DSCAM: variants seen among roughly 807,000 people sequenced by gnomAD.
The protein encoded by DSCAM is DS cell adhesion molecule, also known as cell adhesion molecule DSCAM.
A neutral mutation model predicts 217.7 loss-of-function variants in DSCAM; 47 were observed. The observed-to-expected ratio is 0.22, with a 90% confidence interval of 0.17 to 0.28. DSCAM has a LOEUF of 0.28. DSCAM is among the 10% of genes least tolerant of loss of function. DSCAM has a pLI of 1.00. For synonymous variants in DSCAM, 1,056 were observed against 1,015.3 expected, an observed-to-expected ratio of 1.04 and a Z score of -0.76; for missense variants, 2,080 against 2,618.3, an observed-to-expected ratio of 0.79 and a Z score of 4.49.
At chr21:40,333,742 CTG>C (rs1479936610) in intron 8 of DSCAM, among the ~76,000 whole-genome samples, 1 of 152,224 alleles carries the variant, frequency 6.6e-6, no homozygotes, top group Non-Finnish European at 1.5e-5. Context: ...AAAACTGTTA[CTG>C]TGTTTTGGAA....
intron 32 of DSCAM, among the ~76,000 whole-genome samples, chr21:40,030,505 C>T (rs186986449): frequency 1.3e-3 from 201 of 152,112 alleles, no homozygotes; most frequent in African/African-American, 4.7e-3. Flanking sequence ...TTCTGGTGGT[C>T]CAGAGAGCTG....
intron 9 of DSCAM, among the ~76,000 whole-genome samples, chr21:40,304,506 G>A (rs1293306021): frequency 6.6e-6 from 1 of 152,190 alleles, no homozygotes; most frequent in Non-Finnish European, 1.5e-5. Flanking sequence ...CTTTTCCTTT[G>A]TGTTTACAAT....
intron 3 of DSCAM, among the ~76,000 whole-genome samples, chr21:40,416,434 T>C (rs2075372740): frequency 6.6e-6 from 1 of 152,246 alleles, no homozygotes; most frequent in African/African-American, 2.4e-5. Flanking sequence ...TGGTGCTTAA[T>C]GGATGCTTGT....
chr21:40,160,736 A>G (rs7280615), intron 16 of DSCAM, among the ~76,000 whole-genome samples: 39,882 of 152,126 alleles, frequency 0.26, 5,323 homozygotes, highest in African/African-American at 0.28. Flanking sequence ...AATCAGGCAA[A>G]TACAATACTT....
chr21:40,272,930 G>A (rs1262071922), intron 11 of DSCAM, among the ~76,000 whole-genome samples: 1 of 152,014 alleles, frequency 6.6e-6, no homozygotes, highest in Non-Finnish European at 1.5e-5. Flanking sequence ...CTAGGGTTAG[G>A]CAAAAGACAT....
At chr21:40,369,372 GTGCGTGCGTC>G (rs2123698629) in intron 3 of DSCAM, 127 bp from the exon 4 acceptor site, 1 of 821,790 alleles carries the variant, frequency 1.2e-6, no homozygotes, top group Non-Finnish European at 1.8e-6. Flanking sequence ...CTAAAAATGG[GTGCGTGCGTC>G]TGCGTGTGTG....
At chr21:40,525,981 A>G (rs2146098576) in intron 3 of DSCAM, among the ~76,000 whole-genome samples, 1 of 151,748 alleles carries the variant, frequency 6.6e-6, no homozygotes, top group South Asian at 2.1e-4. Flanking sequence ...CCCAGGTGGG[A>G]CTGAACCCCA....
At chr21:40,390,035 C>G (rs1397344365) in intron 3 of DSCAM, among the ~76,000 whole-genome samples, 1 of 152,214 alleles carries the variant, frequency 6.6e-6, no homozygotes, top group Non-Finnish European at 1.5e-5. Context: ...CCCACCACCC[C>G]ACCCTGTCCC....
At chr21:40,709,878 T>C (rs1316840418) in intron 1 of DSCAM, among the ~76,000 whole-genome samples, 2 of 152,336 alleles carry the variant, frequency 1.3e-5, no homozygotes, top group East Asian at 3.9e-4. Flanking sequence ...CTGGGTCAAC[T>C]GGTATTTCTG....
chr21:40,372,859 G>A (rs1168381372), intron 3 of DSCAM, among the ~76,000 whole-genome samples: 1 of 152,190 alleles, frequency 6.6e-6, no homozygotes, highest in African/African-American at 2.4e-5. Flanking sequence ...CAGTTAACAT[G>A]AGCTTACATG....
intron 3 of DSCAM, among the ~76,000 whole-genome samples, chr21:40,691,587 A>C (rs2090538262): frequency 1.3e-5 from 2 of 152,220 alleles, no homozygotes; most frequent in African/African-American, 4.8e-5. Context: ...TGTATAAGGG[A>C]GTCTCTATTC....
rs765985852 is a variant in DSCAM, at chr21:40,837,937, T to C, written c.43+8682A>G. ...TACAGCCGAGATTAAAAAATAAACA[T>C]GGCAATTAAGCAGACTGGGACTTGG... is the stretch of plus-strand genomic sequence containing the variant. On this transcript the variant is annotated intron_variant, in intron 1 of 32. Transcript: ENST00000400454. Among the ~76,000 whole-genome samples the C allele has an allele frequency of 2.6e-4, 40 of 152,262 alleles. No homozygotes were observed. The Middle Eastern group carries it at 0.01, about 39-fold the overall frequency.
At position 40,724,390 on chromosome 21, in the gene DSCAM, T is replaced by C. The variant is rs74791193; in HGVS notation, c.44-15619A>G. ...AAAGAGTACAGAGTTATGTAAAGAA[T>C]TACAAATGAAGAAAATCAGCAGAAA... On this transcript the variant is annotated intron_variant, in intron 1 of 32. Coordinates refer to ENST00000400454, the MANE Select transcript of DSCAM (RefSeq NM_001389.5). Among the ~76,000 whole-genome samples the C allele has an allele frequency of 5.9e-5, 9 of 152,050 alleles. No homozygotes were observed. The East Asian group carries it at 1.7e-3, about 29-fold the overall frequency.
chr21:40,148,970 C>G (rs1468748830), intron 16 of DSCAM, among the ~76,000 whole-genome samples: 1 of 152,150 alleles, frequency 6.6e-6, no homozygotes, highest in African/African-American at 2.4e-5. Flanking sequence ...CTTCCATCAT[C>G]ATCCTTGATG....
chr21:40,247,105 A>T (rs1196043048), intron 11 of DSCAM, among the ~76,000 whole-genome samples: 1 of 152,158 alleles, frequency 6.6e-6, no homozygotes, highest in African/African-American at 2.4e-5. Context: ...ATAGCATGTG[A>T]AACGCTGACC....
At chr21:40,576,851 C>T (rs1409689324) in intron 3 of DSCAM, among the ~76,000 whole-genome samples, 2 of 151,870 alleles carry the variant, frequency 1.3e-5, no homozygotes, top group African/African-American at 2.4e-5. Flanking sequence ...GCTAAGATCA[C>T]GAAATATCTT....
intron 3 of DSCAM, among the ~76,000 whole-genome samples, chr21:40,496,122 A>G (rs1182547183): frequency 3.9e-5 from 6 of 152,196 alleles, no homozygotes; most frequent in Non-Finnish European, 5.9e-5. Context: ...TACAAATTCA[A>G]TGCACTCCCT....
chr21:40,231,617 G>A (rs115645772), intron 11 of DSCAM, among the ~76,000 whole-genome samples: 3,156 of 148,448 alleles, frequency 0.021, 128 homozygotes, highest in African/African-American at 0.075. Flanking sequence ...ATCCTCCCAC[G>A]TCAGCCTCCC....
At chr21:40,699,190 A>C (rs1029030708) in intron 2 of DSCAM, among the ~76,000 whole-genome samples, 4 of 152,156 alleles carry the variant, frequency 2.6e-5, no homozygotes, top group African/African-American at 4.8e-5. Context: ...TGATATTACT[A>C]TTGTAATTGT....
Sources: allele counts gnomAD v4.1 joint callset (sites outside exome capture counted in the v4.1 genomes callset), GRCh38; gene constraint gnomAD v4.1.1; transcripts MANE v1.5; gene names NCBI Gene and HGNC (gene_info 2026-07-23, HGNC 2026-07-21).